The following SZRD1 variants were observed in gnomAD, a reference collection of about 807,000 sequenced individuals.
SZRD1 encodes SUZ RNA binding domain containing 1.
SZRD1 carries 7 observed loss-of-function variants against 17.6 expected under a neutral mutation model. The ratio of observed to expected loss-of-function variants is 0.40; its 90% CI spans 0.23 to 0.75. SZRD1 has a LOEUF of 0.75. Among genes scored for constraint, SZRD1 ranks in the 30% least tolerant of loss-of-function variants. SZRD1 has a pLI of 0.38. For missense variants in SZRD1, 178 were observed against 201.8 expected (o/e 0.88, Z 0.71); for synonymous variants, 77 against 77.9 (o/e 0.99, Z 0.06).
At chr1:16,377,039 C>T (rs2083015837) in intron 1 of SZRD1, among the ~76,000 whole-genome samples, 1 of 152,126 alleles carries the variant, frequency 6.6e-6, no homozygotes, top group Non-Finnish European at 1.5e-5. Context: ...GCTGTCCTCT[C>T]CTCTGCTCTC....
intron 1 of SZRD1, among the ~76,000 whole-genome samples, chr1:16,389,649 G>A (rs1042205053): frequency 9.2e-5 from 14 of 151,996 alleles, no homozygotes; most frequent in African/African-American, 3.4e-4. Flanking sequence ...GTTTCACCGC[G>A]TTAGCCAGGA....
At position 16,396,852 on chromosome 1, in the gene SZRD1, C is replaced by G. The variant is rs1428123891; in HGVS notation, c.*1712C>G. On this transcript the variant is annotated 3_prime_UTR_variant, in exon 4 of 4. Transcript: ENST00000401088. ...AGTCAGCAGCTAGTCCATAGCACAG[C>G]CTTATAACTGTAAAGCCAGGCATTG... 6.6e-6 allele frequency: 1 copy of G among 152,308 alleles called. No individual in the cohort carries two copies. The highest frequency in any genetic ancestry group is 2.4e-5 in the African/African-American group (1 of 41,452). The allele number at this position is 152,308 out of a possible 1,614,324, so 9.4% of individuals were successfully genotyped here. A position where few individuals can be genotyped will look rare whatever the true frequency, so the allele number is the denominator to read the frequency against.
At chr1:16,384,337 A>G (rs541039228) in intron 1 of SZRD1, among the ~76,000 whole-genome samples, 6 of 151,692 alleles carry the variant, frequency 4.0e-5, no homozygotes, top group African/African-American at 1.5e-4. Flanking sequence ...CCACAGTTCA[A>G]GAGCAGCCTG....
At chr1:16,372,755 T>C (rs914986678) in intron 1 of SZRD1, among the ~76,000 whole-genome samples, 1 of 152,174 alleles carries the variant, frequency 6.6e-6, no homozygotes, top group Admixed American at 6.6e-5. Context: ...TATCCAAACA[T>C]TGCCCCATCA....
In SZRD1 at chr1:16,395,856, C is replaced by T. The variant is rs1312603740; in HGVS notation, c.*716C>T. 6.5e-6 allele frequency: 1 copy of T among 153,072 alleles called. No individual in the cohort carries two copies. The highest frequency in any genetic ancestry group is 2.4e-5 in the African/African-American group (1 of 41,440). 9.5% of individuals were successfully genotyped at this position (153,072 alleles called of 1,614,324 possible). A position where few individuals can be genotyped will look rare whatever the true frequency, so the allele number is the denominator to read the frequency against. Reference sequence around the variant, plus strand: ...TGCAGCCGCCAGGACAGACGAGCACCCCATGCCTATACCTCCCTCCCCGAG... The same window carrying T: ...TGCAGCCGCCAGGACAGACGAGCACTCCATGCCTATACCTCCCTCCCCGAG... On this transcript the variant is annotated 3_prime_UTR_variant, in exon 4 of 4. Transcript: ENST00000401088.
rs1446894571 is a variant in SZRD1, at chr1:16,393,613, CT to C, written c.356+132del. On this transcript the variant is annotated intron_variant, in intron 3 of 3. Transcript: ENST00000401088. This position sits in a 1 kb window ranked among gnomAD's most constrained non-coding sequence, Gnocchi z 5.6. The stretch of plus-strand genomic sequence containing the variant: ...GGTAGGAACCATGCAGCTCCACTTG[CT>C]GATCCCAGCCTGCTGGCACTAGTTC... The C allele has an allele frequency of 2.0e-6, 2 of 1,014,788 alleles. No homozygotes were observed. The highest frequency in any genetic ancestry group is 2.5e-5 in the Admixed American group (1 of 39,952). The allele number at this position is 1,014,788 out of a possible 1,614,324, so 62.9% of individuals were successfully genotyped here.
chr1:16,385,016 G>A (rs1436991586), intron 1 of SZRD1, among the ~76,000 whole-genome samples: 1 of 152,164 alleles, frequency 6.6e-6, no homozygotes, highest in Non-Finnish European at 1.5e-5. Context: ...ACAGAGAAAG[G>A]CAAATCATTT....
chr1:16,381,805 G>C (rs11260739), intron 1 of SZRD1, among the ~76,000 whole-genome samples: 3,809 of 151,142 alleles, frequency 0.025, 163 homozygotes, highest in African/African-American at 0.087. Flanking sequence ...GGTGGCAGGC[G>C]CCTGTAATCC....
chr1:16,395,463 G>T lies in SZRD1; in HGVS notation c.*323G>T. 1 of 360,080 alleles carries T rather than the reference G, an allele frequency of 2.8e-6. No individual in the cohort carries two copies. The highest frequency in any genetic ancestry group is 5.2e-6 in the Non-Finnish European group (1 of 191,214). The allele number at this position is 360,080 out of a possible 1,614,324, so 22.3% of individuals were successfully genotyped here. ...TCAGACAGTGCCACTTGGCCACTTGGGGTAAAGCCAGTGCCAGCAATAACA... is the reference window on the plus strand; with the variant it reads ...TCAGACAGTGCCACTTGGCCACTTGTGGTAAAGCCAGTGCCAGCAATAACA... On this transcript the variant is annotated 3_prime_UTR_variant, in exon 4 of 4. Coordinates refer to ENST00000401088, the MANE Select transcript of SZRD1 (RefSeq NM_001114600.3).
At position 16,393,076 on chromosome 1, in the gene SZRD1, G is replaced by A. The variant is rs2085244114; in HGVS notation, c.102-152G>A. ...TTTTTTGGGACACCCTTCTTGAGGAGTGGAAATTTTGCTGTCTGGTCAGAG... is the reference window on the plus strand; with the variant it reads ...TTTTTTGGGACACCCTTCTTGAGGAATGGAAATTTTGCTGTCTGGTCAGAG... On this transcript the variant is annotated intron_variant, in intron 2 of 3. Transcript: ENST00000401088. The surrounding 1 kb of genome is among the most constrained non-coding windows in gnomAD (Gnocchi z 5.6). The A allele has an allele frequency of 2.8e-6, 3 of 1,083,402 alleles. No individual in the cohort carries two copies. Among genetic ancestry groups the A allele is most frequent in the South Asian group, 3.0e-5 (2 of 66,914 alleles). The allele number at this position is 1,083,402 out of a possible 1,614,324, so 67.1% of individuals were successfully genotyped here.
chr1:16,389,282 G>C (rs1439110084), intron 1 of SZRD1, among the ~76,000 whole-genome samples: 24 of 132,232 alleles, frequency 1.8e-4, no homozygotes, highest in Admixed American at 1.5e-3. Context: ...GGGGTGGGGG[G>C]GGGGCAGAGT....
chr1:16,369,861 C>T (rs527259649), intron 1 of SZRD1, among the ~76,000 whole-genome samples: 221 of 150,434 alleles, frequency 1.5e-3, no homozygotes, highest in African/African-American at 5.3e-3. Flanking sequence ...TGCACTCCAG[C>T]CTGGGCAACA....
At chr1:16,384,298 G>T (rs2083152681) in intron 1 of SZRD1, among the ~76,000 whole-genome samples, 1 of 151,826 alleles carries the variant, frequency 6.6e-6, no homozygotes, top group African/African-American at 2.4e-5. Context: ...CAGTACTTTG[G>T]GAGAGTGAGG....
rs2085323644 is a variant in SZRD1, at chr1:16,397,026, A to T, written c.*1886A>T. 6.6e-6 allele frequency: 1 copy of T among 152,284 alleles called. No homozygotes were observed. Among genetic ancestry groups the T allele is most frequent in the South Asian group, 2.1e-4 (1 of 4,834 alleles). 9.4% of individuals were successfully genotyped at this position (152,284 alleles called of 1,614,324 possible). A position where few individuals can be genotyped will look rare whatever the true frequency, so the allele number is the denominator to read the frequency against. The stretch of plus-strand genomic sequence containing the variant: ...TCTAAATGTGTAGTGTCCATCCCTT[A>T]TGTAATAGTGGTTTCCCGCCCAAAG... On this transcript the variant is annotated 3_prime_UTR_variant, in exon 4 of 4. Coordinates refer to ENST00000401088, the MANE Select transcript of SZRD1 (RefSeq NM_001114600.3). The surrounding 1 kb of genome is among the most constrained non-coding windows in gnomAD (Gnocchi z 5.4).
At position 16,368,651 on chromosome 1, in the gene SZRD1, C is replaced by T. The variant is rs12069365; in HGVS notation, c.51+1343C>T. On this transcript the variant is annotated intron_variant, in intron 1 of 3. Transcript: ENST00000401088. ...GGTGTCAGTTGGCTCCTTGTTCATTCAACCAGCATTTTTGAGTGTCTGCTA... is the reference window on the plus strand; with the variant it reads ...GGTGTCAGTTGGCTCCTTGTTCATTTAACCAGCATTTTTGAGTGTCTGCTA... Among the ~76,000 whole-genome samples the T allele has an allele frequency of 3.5e-3, 529 of 152,262 alleles. 2 individuals carry two copies. Among genetic ancestry groups the T allele is most frequent in the African/African-American group, 0.012 (493 of 41,546 alleles).
intron 1 of SZRD1, among the ~76,000 whole-genome samples, chr1:16,384,165 A>T (rs1041002640): frequency 6.6e-5 from 10 of 152,124 alleles, no homozygotes; most frequent in Admixed American, 1.3e-4. Context: ...TATGCTACTG[A>T]TGGAAACAAG....
chr1:16,373,560 C>G (rs1051287545), intron 1 of SZRD1, among the ~76,000 whole-genome samples: 1 of 124,642 alleles, frequency 8.0e-6, no homozygotes, highest in African/African-American at 3.1e-5. Flanking sequence ...GCCTGGGCAA[C>G]AAGAGTGGAA....
chr1:16,385,654 T>C (rs918251639), intron 1 of SZRD1, among the ~76,000 whole-genome samples: 3 of 152,190 alleles, frequency 2.0e-5, no homozygotes, highest in African/African-American at 4.8e-5. Flanking sequence ...TTGTAGCTTG[T>C]GACAGTAACA....
At chr1:16,388,794 C>T (rs1381340103) in intron 1 of SZRD1, among the ~76,000 whole-genome samples, 5 of 144,440 alleles carry the variant, frequency 3.5e-5, no homozygotes, top group Non-Finnish European at 7.5e-5. Flanking sequence ...ATTACATGTG[C>T]GCACCACCAC....
Sources: allele counts gnomAD v4.1 joint callset (sites outside exome capture counted in the v4.1 genomes callset), GRCh38; gene constraint gnomAD v4.1.1; non-coding constraint Gnocchi (gnomAD v3.1); transcripts MANE v1.5; gene names NCBI Gene and HGNC (gene_info 2026-07-23, HGNC 2026-07-21).